The following PAN3 variants were observed in gnomAD, a reference collection of about 807,000 sequenced individuals.
PAN3 encodes poly(A) specific ribonuclease subunit PAN3, also known as PAN2-PAN3 deadenylation complex subunit PAN3.
PAN3 carries 19 observed loss-of-function variants against 96.2 expected under a neutral mutation model. The ratio of observed to expected loss-of-function variants is 0.20; its 90% confidence interval spans 0.14 to 0.29. The LOEUF (loss-of-function observed/expected upper bound fraction) is 0.29. PAN3 is among the 10% of genes least tolerant of loss of function. The probability of loss-of-function intolerance (pLI) is 1.00; values close to 1 mark genes in which losing one functional copy is unlikely to be tolerated. For missense variants in PAN3, 882 were observed against 1,108.1 expected (o/e 0.80, Z 2.90); for synonymous variants, 433 against 406.6 (o/e 1.06, Z -0.78).
intron 6 of PAN3, among the ~76,000 whole-genome samples, chr13:28,227,610 G>C (rs1882137048): frequency 6.6e-6 from 1 of 152,112 alleles, no homozygotes; most frequent in Non-Finnish European, 1.5e-5. Context: ...TCTATAAGAA[G>C]GTAATAGTAG....
chr13:28,138,816 T>G lies in PAN3; in HGVS notation c.159T>G (p.Ala53=). 21 of 1,413,428 alleles carry G rather than the reference T, an allele frequency of 1.5e-5. No individual in the cohort carries two copies. The highest frequency in any genetic ancestry group is 1.9e-5 in the Non-Finnish European group (21 of 1,086,440). 87.6% of individuals were successfully genotyped at this position (1,413,428 alleles called of 1,614,324 possible). A position where few individuals can be genotyped will look rare whatever the true frequency, so the allele number is the denominator to read the frequency against. The part of the protein sequence containing the change: ...GVKLKYCRYY[A]KDKTCFYGEE... ...AGCTGAAGTACTGCCGCTACTACGC[T>G]AAGGATAAGACTTGCTTCTACGGGG... Residue 53 remains alanine (A), a synonymous_variant, in exon 1 of 19, where the codon GCT becomes GCG. Coordinates refer to ENST00000380958, the MANE Select transcript of PAN3 (RefSeq NM_175854.8).
chr13:28,287,672 GGAAGA>G (rs1424118001), intron 17 of PAN3, among the ~76,000 whole-genome samples: 1 of 152,182 alleles, frequency 6.6e-6, no homozygotes, highest in African/African-American at 2.4e-5. Context: ...CAGAGTGGGA[GGAAGA>G]GAAGAGAAGA....
intron 5 of PAN3, among the ~76,000 whole-genome samples, chr13:28,197,857 C>T (rs1238692811): frequency 6.6e-6 from 1 of 152,132 alleles, no homozygotes; most frequent in Non-Finnish European, 1.5e-5. Flanking sequence ...CATGAGCCAC[C>T]TCTCCTGGCC....
At chr13:28,283,143 G>A (rs1252880650) in intron 17 of PAN3, among the ~76,000 whole-genome samples, 1 of 151,964 alleles carries the variant, frequency 6.6e-6, no homozygotes, top group Admixed American at 6.6e-5. Context: ...TCGCCTCCCA[G>A]GATCAAGCGA....
chr13:28,227,944 G>A (rs1404807196), intron 6 of PAN3, among the ~76,000 whole-genome samples: 1 of 152,178 alleles, frequency 6.6e-6, no homozygotes, highest in Non-Finnish European at 1.5e-5. Flanking sequence ...GAAGCAGAGA[G>A]AACAGGTGTA....
At chr13:28,253,126 A>G (rs1430216732) in intron 6 of PAN3, among the ~76,000 whole-genome samples, 2 of 152,220 alleles carry the variant, frequency 1.3e-5, no homozygotes, top group Admixed American at 1.3e-4. Context: ...TTTTAGCGTA[A>G]GATTCCTGTG....
chr13:28,148,798 G>A (rs1871005647), intron 1 of PAN3, among the ~76,000 whole-genome samples: 1 of 152,124 alleles, frequency 6.6e-6, no homozygotes. Context: ...GGCTTATCTT[G>A]TAGTTTGTTC....
At chr13:28,254,845 G>A (rs557358384) in intron 6 of PAN3, among the ~76,000 whole-genome samples, 4 of 152,122 alleles carry the variant, frequency 2.6e-5, no homozygotes, top group African/African-American at 9.6e-5. Context: ...TGGGAATTTG[G>A]AGAGTTGAGT....
In PAN3 at chr13:28,280,266, A is replaced by C. The variant is rs974327438; in HGVS notation, c.2190-146A>C. On this transcript the variant is annotated intron_variant, in intron 15 of 18. Coordinates refer to ENST00000380958, the MANE Select transcript of PAN3 (RefSeq NM_175854.8). ...TCCAGAGGAATGAAATGTAATATTT[A>C]AGAATGAACTTGACTTGCATGAATT... The C allele has an allele frequency of 1.7e-5, 16 of 920,730 alleles. 1 individual carries two copies. The highest frequency in any genetic ancestry group is 5.6e-4 in the Middle Eastern group (2 of 3,566). The allele number at this position is 920,730 out of a possible 1,614,324, so 57.0% of individuals were successfully genotyped here.
chr13:28,174,463 A>C (rs1874699575), intron 2 of PAN3, 70 bp downstream of exon 2: 4 of 1,494,878 alleles, frequency 2.7e-6, no homozygotes. Context: ...TAGAGTCTTC[A>C]TTTATTCCTA....
intron 5 of PAN3, among the ~76,000 whole-genome samples, chr13:28,212,647 T>C (rs1880185072): frequency 6.6e-6 from 1 of 152,150 alleles, no homozygotes; most frequent in African/African-American, 2.4e-5. Flanking sequence ...CATATATACA[T>C]AGATAAGAAA....
chr13:28,140,995 A>G (rs1347655039), intron 1 of PAN3, among the ~76,000 whole-genome samples: 1 of 140,460 alleles, frequency 7.1e-6, no homozygotes. Flanking sequence ...TACTGACAGA[A>G]AGAGACACTT....
At position 28,198,124 on chromosome 13, in the gene PAN3, G is replaced by C. The variant is rs145512896; in HGVS notation, c.852+778G>C. ...CCCGTCTCTACAAATATACAGAAAAGAAAAGAAAAATTTTAGCCAGGTGTG... is the reference window on the plus strand; with the variant it reads ...CCCGTCTCTACAAATATACAGAAAACAAAAGAAAAATTTTAGCCAGGTGTG... On this transcript the variant is annotated intron_variant, in intron 5 of 18. Coordinates refer to ENST00000380958, the MANE Select transcript of PAN3 (RefSeq NM_175854.8). Among the ~76,000 whole-genome samples, 1,040 of 151,836 alleles carry C rather than the reference G, an allele frequency of 6.8e-3. 10 individuals are homozygous for C. The highest frequency in any genetic ancestry group is 0.024 in the African/African-American group (1,006 of 41,428).
chr13:28,260,604 G>T, intron 8 of PAN3, 53 bp downstream of exon 8: 1 of 1,381,758 alleles, frequency 7.2e-7, no homozygotes, highest in South Asian at 1.2e-5. Context: ...GTGCTTTAGT[G>T]AACAGGGGAA....
Position 28,270,721 on chromosome 13 carries a change from C to T in PAN3, c.1813C>T (p.Pro605Ser). ...TATAGGTCAGCACGAGGGACCATTG[C>T]CCAGGCAGCATGCTGGATTATTGCC... is the stretch of plus-strand genomic sequence containing the variant. ...RKWGQHEGPL[P>S]RQHAGLLPES... Residue 605 changes from proline to serine, a missense_variant, in exon 13 of 19, where the codon CCC becomes TCC. Pro to Ser is a moderately conservative substitution (Grantham distance 74, BLOSUM62 -1). Coordinates refer to ENST00000380958, the MANE Select transcript of PAN3 (RefSeq NM_175854.8). The T allele has an allele frequency of 1.9e-6, 3 of 1,613,696 alleles. No individual in the cohort carries two copies. The highest frequency in any genetic ancestry group is 2.5e-6 in the Non-Finnish European group (3 of 1,179,736).
intron 1 of PAN3, among the ~76,000 whole-genome samples, chr13:28,168,696 G>C (rs1226391535): frequency 6.6e-6 from 1 of 151,956 alleles, no homozygotes; most frequent in Non-Finnish European, 1.5e-5. Flanking sequence ...TCCAGCCTGG[G>C]CAACAGAGCG....
intron 1 of PAN3, among the ~76,000 whole-genome samples, chr13:28,173,921 A>T (rs1332657316): frequency 6.6e-6 from 1 of 152,228 alleles, no homozygotes; most frequent in Non-Finnish European, 1.5e-5. Context: ...TCTGTTTACC[A>T]TCCAGTGATT....
chr13:28,242,342 A>T (rs1215104880), intron 6 of PAN3, among the ~76,000 whole-genome samples: 2 of 151,932 alleles, frequency 1.3e-5, no homozygotes, highest in African/African-American at 4.8e-5. Flanking sequence ...TGTTGGTACC[A>T]AGAAAAGAGG....
intron 5 of PAN3, among the ~76,000 whole-genome samples, chr13:28,216,391 T>G (rs1364691090): frequency 6.6e-6 from 1 of 152,172 alleles, no homozygotes; most frequent in East Asian, 1.9e-4. Context: ...AGTATGATGT[T>G]TATGGTCATT....
Sources: allele counts gnomAD v4.1 joint callset (sites outside exome capture counted in the v4.1 genomes callset), GRCh38; gene constraint gnomAD v4.1.1; transcripts MANE v1.5; gene names NCBI Gene and HGNC (gene_info 2026-07-23, HGNC 2026-07-21).